Variants in GADL1 observed in about 807,000 individuals in gnomAD.
GADL1 encodes GAD like acidic amino acid decarboxylase 1.
In GADL1, 71 loss-of-function variants were observed where a neutral mutation model predicts 69.5. The observed-to-expected ratio is 1.02, with a 90% CI of 0.84 to 1.25. The LOEUF (loss-of-function observed/expected upper bound fraction) is 1.25, where lower values mean the gene tolerates loss of function less well. Among genes scored for constraint, GADL1 ranks in the 50% most tolerant of loss-of-function variants. The pLI, the probability that GADL1 is intolerant of heterozygous loss-of-function variation, is 0.00. For synonymous variants in GADL1, 254 were observed against 214.4 expected (o/e 1.18, Z -1.62); for missense variants, 737 against 631.8 (o/e 1.17, Z -1.79).
At chr3:30,770,639 G>A (rs1009420102) in intron 14 of GADL1, among the ~76,000 whole-genome samples, 1 of 152,102 alleles carries the variant, frequency 6.6e-6, no homozygotes, top group African/African-American at 2.4e-5. Flanking sequence ...CTGAGAACTG[G>A]TCTCATCCTA....
intron 14 of GADL1, among the ~76,000 whole-genome samples, chr3:30,743,464 C>T (rs1038592523): frequency 5.9e-5 from 9 of 152,172 alleles, no homozygotes; most frequent in Non-Finnish European, 1.0e-4. Flanking sequence ...CCTGCTTTTA[C>T]CTCACCATTG....
intron 14 of GADL1, among the ~76,000 whole-genome samples, chr3:30,757,223 T>G (rs950087337): frequency 1.3e-5 from 2 of 152,150 alleles, no homozygotes; most frequent in African/African-American, 4.8e-5. Flanking sequence ...ATCAAATATC[T>G]AAGTATGCTG....
At chr3:30,866,771 T>G (rs1698409989) in intron 1 of GADL1, among the ~76,000 whole-genome samples, 1 of 152,066 alleles carries the variant, frequency 6.6e-6, no homozygotes, top group South Asian at 2.1e-4. Flanking sequence ...CACCTTGCCC[T>G]GTGTTTACCT....
chr3:30,820,803 C>T (rs1011977307), intron 11 of GADL1, among the ~76,000 whole-genome samples: 1 of 151,624 alleles, frequency 6.6e-6, no homozygotes, highest in Non-Finnish European at 1.5e-5. Flanking sequence ...ACCATTTGAC[C>T]CAGCCATCCC....
At chr3:30,860,977 A>G (rs1478271650) in intron 2 of GADL1, among the ~76,000 whole-genome samples, 1 of 151,936 alleles carries the variant, frequency 6.6e-6, no homozygotes, top group Non-Finnish European at 1.5e-5. Flanking sequence ...AGTCCTTAGA[A>G]CATAGTAAGT....
chr3:30,873,183 AC>A (rs1313947109), intron 1 of GADL1, among the ~76,000 whole-genome samples: 1 of 151,968 alleles, frequency 6.6e-6, no homozygotes, highest in African/African-American at 2.4e-5. Flanking sequence ...CATAAATGAA[AC>A]AAAAATATAA....
chr3:30,890,169 TA>T (rs1475287876), intron 1 of GADL1, among the ~76,000 whole-genome samples: 7 of 152,208 alleles, frequency 4.6e-5, no homozygotes, highest in Non-Finnish European at 1.0e-4. Flanking sequence ...AAGGTGAATA[TA>T]AACTTAAGAT....
At chr3:30,781,719 T>C (rs1376209116) in intron 13 of GADL1, among the ~76,000 whole-genome samples, 1 of 152,216 alleles carries the variant, frequency 6.6e-6, no homozygotes, top group Non-Finnish European at 1.5e-5. Flanking sequence ...AACTATAAAA[T>C]GTAGATGATG....
At chr3:30,815,991 A>C (rs1697461271) in intron 11 of GADL1, among the ~76,000 whole-genome samples, 1 of 152,164 alleles carries the variant, frequency 6.6e-6, no homozygotes, top group Non-Finnish European at 1.5e-5. Context: ...TACAGTGGGA[A>C]GGGGGAATAG....
At chr3:30,756,477 C>A (rs1331500482) in intron 14 of GADL1, among the ~76,000 whole-genome samples, 1 of 152,148 alleles carries the variant, frequency 6.6e-6, no homozygotes, top group Non-Finnish European at 1.5e-5. Flanking sequence ...TTGCACTGTG[C>A]CTTTGAAGTT....
At chr3:30,802,434 T>G (rs927631740) in intron 11 of GADL1, among the ~76,000 whole-genome samples, 1 of 151,758 alleles carries the variant, frequency 6.6e-6, no homozygotes, top group Admixed American at 6.6e-5. Flanking sequence ...TCTCATTTGG[T>G]GAATTTTCCA....
chr3:30,782,969 A>G (rs867260386), intron 13 of GADL1, among the ~76,000 whole-genome samples: 1 of 152,212 alleles, frequency 6.6e-6, no homozygotes, highest in South Asian at 2.1e-4. Flanking sequence ...GAAAAATCAC[A>G]ATGTGCTTGA....
intron 14 of GADL1, among the ~76,000 whole-genome samples, chr3:30,749,315 C>T (rs1472909404): frequency 6.6e-6 from 1 of 152,150 alleles, no homozygotes; most frequent in Non-Finnish European, 1.5e-5. Flanking sequence ...AATCATAGGC[C>T]ACTAGGAACA....
At chr3:30,765,715 G>C (rs1050387960) in intron 14 of GADL1, among the ~76,000 whole-genome samples, 1 of 152,152 alleles carries the variant, frequency 6.6e-6, no homozygotes, top group Non-Finnish European at 1.5e-5. Context: ...GCCAGGCTTG[G>C]AAGGGTTGAA....
intron 13 of GADL1, chr3:30,779,027 T>A (rs1431913956): frequency 6.6e-6 from 1 of 152,202 alleles, no homozygotes; most frequent in Non-Finnish European, 1.5e-5. Flanking sequence ...CACTAAGTAA[T>A]CATAACCCAG....
At chr3:30,782,892 T>TG (rs1696698129) in intron 13 of GADL1, among the ~76,000 whole-genome samples, 1 of 152,234 alleles carries the variant, frequency 6.6e-6, no homozygotes, top group Admixed American at 6.5e-5. Flanking sequence ...ATTAAAATAA[T>TG]GTGCTTTGGA....
intron 11 of GADL1, among the ~76,000 whole-genome samples, chr3:30,831,313 AT>A (rs1026140282): frequency 1.1e-4 from 16 of 151,788 alleles, no homozygotes; most frequent in African/African-American, 3.6e-4. Context: ...TTCTAAAATA[AT>A]TTTTTTTAAA....
intron 11 of GADL1, among the ~76,000 whole-genome samples, chr3:30,826,837 A>C (rs142549565): frequency 9.4e-4 from 143 of 152,016 alleles, no homozygotes; most frequent in Non-Finnish European, 1.7e-3. Context: ...CTGAAAAAGG[A>C]AACCATGAGT....
intron 14 of GADL1, among the ~76,000 whole-genome samples, chr3:30,766,297 C>T (rs772132052): frequency 6.6e-6 from 1 of 152,160 alleles, no homozygotes; most frequent in Non-Finnish European, 1.5e-5. Flanking sequence ...CTCTCATTAA[C>T]CCTGAGCATC....
Sources: gnomAD v4.1 joint callset for allele counts (sites outside exome capture counted in the v4.1 genomes callset) on GRCh38, gnomAD v4.1.1 for gene constraint, MANE v1.5 for transcripts, NCBI Gene and HGNC (gene_info 2026-07-23, HGNC 2026-07-21) for gene names.